The following SLC9B1 variants were observed in gnomAD, a reference collection of about 807,000 sequenced individuals.
SLC9B1 encodes solute carrier family 9 member B1.
SLC9B1 carries 32 observed loss-of-function variants against 51.7 expected under a neutral mutation model. The observed-to-expected ratio is 0.62, with a 90% CI of 0.47 to 0.83. SLC9B1 has a LOEUF of 0.83. Among genes scored for constraint, SLC9B1 ranks in the 40% least tolerant of loss-of-function variants. SLC9B1 has a pLI of 0.00. For missense variants in SLC9B1, 406 were observed against 613.2 expected, an observed-to-expected ratio of 0.66 and a Z score of 3.57; for synonymous variants, 145 against 212.7, an observed-to-expected ratio of 0.68 and a Z score of 2.77.
At chr4:102,949,553 A>C in intron 3 of SLC9B1, 126 bp from the exon 4 acceptor site, 1 of 585,344 alleles carries the variant, frequency 1.7e-6, no homozygotes, top group Non-Finnish European at 2.7e-6. Flanking sequence ...GGTATAGATC[A>C]ACATTGCTTA....
intron 9 of SLC9B1, among the ~76,000 whole-genome samples, 176 bp downstream of exon 9, chr4:102,910,263 A>C (rs1735275595): frequency 6.6e-6 from 1 of 152,170 alleles, no homozygotes; most frequent in South Asian, 2.1e-4. Flanking sequence ...ATTCCATATT[A>C]GTATATTTCC....
chr4:102,910,344 G>A (rs1408997685), intron 9 of SLC9B1, 95 bp downstream of exon 9: 19 of 1,149,584 alleles, frequency 1.7e-5, no homozygotes, highest in Non-Finnish European at 2.3e-5. Context: ...AAACCTTTTG[G>A]AACATTTTCC....
At chr4:103,006,259 A>G (rs1295811356) in intron 1 of SLC9B1, among the ~76,000 whole-genome samples, 1 of 152,066 alleles carries the variant, frequency 6.6e-6, no homozygotes, top group East Asian at 1.9e-4. Flanking sequence ...GACCACAGCT[A>G]GACTAACAAA....
chr4:102,892,066 T>C (rs1403820425), intron 11 of SLC9B1: 1 of 152,192 alleles, frequency 6.6e-6, no homozygotes, highest in East Asian at 1.9e-4. Context: ...TTATCTACTT[T>C]CATATATTTT....
chr4:102,979,324 G>C (rs1309857397), intron 3 of SLC9B1, among the ~76,000 whole-genome samples: 2 of 152,162 alleles, frequency 1.3e-5, no homozygotes, highest in Non-Finnish European at 2.9e-5. Flanking sequence ...CCATTCCTCT[G>C]TCTGTTTTGC....
intron 7 of SLC9B1, among the ~76,000 whole-genome samples, chr4:102,921,159 G>A (rs1735854646): frequency 6.6e-6 from 1 of 152,196 alleles, no homozygotes; most frequent in African/African-American, 2.4e-5. Flanking sequence ...GGCACCCAGA[G>A]AGAAAGGTCA....
rs1396479963 is a variant in SLC9B1 at position 102,887,457 on chromosome 4, T to C, written c.1333-2129A>G. The C allele has an allele frequency of 6.4e-6, 6 of 938,786 alleles. No homozygotes were observed. The African/African-American group carries it at 6.7e-5, about 10-fold the overall frequency. The allele number at this position is 938,786 out of a possible 1,614,324, so 58.2% of individuals were successfully genotyped here. A position where few individuals can be genotyped will look rare whatever the true frequency, so the allele number is the denominator to read the frequency against. On this transcript the variant is annotated intron_variant, in intron 11 of 11. Coordinates refer to the SLC9B1 transcript ENST00000394789. Reference sequence around the variant, plus strand: ...AATAATAACAATATTTTCTCATTCTTTGTGTATAGAAAATTTTAAAATGGT... The same window carrying C: ...AATAATAACAATATTTTCTCATTCTCTGTGTATAGAAAATTTTAAAATGGT...
intron 3 of SLC9B1, among the ~76,000 whole-genome samples, 154 bp from the exon 4 acceptor site, chr4:102,949,581 A>AT (rs1737441563): frequency 6.6e-6 from 1 of 152,228 alleles, no homozygotes; most frequent in Admixed American, 6.5e-5. Context: ...GGTGAAAGAG[A>AT]TATCTGCTTA....
At chr4:102,968,584 A>C (rs1279372114) in intron 3 of SLC9B1, among the ~76,000 whole-genome samples, 1 of 152,246 alleles carries the variant, frequency 6.6e-6, no homozygotes, top group Non-Finnish European at 1.5e-5. Context: ...GAATAGGAAC[A>C]GCTCCTGTCT....
intron 7 of SLC9B1, among the ~76,000 whole-genome samples, chr4:102,921,446 A>C (rs1187541722): frequency 2.6e-5 from 4 of 152,240 alleles, no homozygotes; most frequent in Non-Finnish European, 4.4e-5. Flanking sequence ...GGTACCAGCC[A>C]GGGCAAAAAC....
intron 1 of SLC9B1, among the ~76,000 whole-genome samples, chr4:103,016,155 G>GAAAAAAAAAAAAA (rs1286956791): frequency 2.8e-3 from 206 of 74,136 alleles, no homozygotes; most frequent in African/African-American, 4.5e-3. Flanking sequence ...AAAAAAAAAG[G>GAAAAAAAAAAAAA]AAAGTATATG....
intron 1 of SLC9B1, among the ~76,000 whole-genome samples, chr4:102,999,306 C>A (rs1740395732): frequency 6.6e-6 from 1 of 152,110 alleles, no homozygotes; most frequent in Non-Finnish European, 1.5e-5. Flanking sequence ...TTAATGTAGT[C>A]CAATTTATCT....
At chr4:102,966,977 G>A (rs1305607177) in intron 3 of SLC9B1, among the ~76,000 whole-genome samples, 1 of 152,066 alleles carries the variant, frequency 6.6e-6, no homozygotes, top group Admixed American at 6.6e-5. Flanking sequence ...CTTAAGTTTG[G>A]CCTTCCACAA....
chr4:103,001,864 A>G (rs3857200), intron 1 of SLC9B1, among the ~76,000 whole-genome samples: 87,788 of 152,054 alleles, frequency 0.58, 26,689 homozygotes, highest in African/African-American at 0.78. Context: ...GCCCAACATT[A>G]GGTAATTTAT....
intron 1 of SLC9B1, among the ~76,000 whole-genome samples, chr4:102,992,558 T>C (rs1331404886): frequency 1.3e-5 from 2 of 152,228 alleles, no homozygotes; most frequent in Non-Finnish European, 2.9e-5. Flanking sequence ...CTAGCTGCTT[T>C]ACATCTATTG....
intron 4 of SLC9B1, among the ~76,000 whole-genome samples, chr4:102,947,914 T>G (rs1295059203): frequency 6.8e-6 from 1 of 147,544 alleles, no homozygotes; most frequent in East Asian, 2.0e-4. Flanking sequence ...CTTTAGAAAG[T>G]TTTATAAAAA....
At chr4:102,969,278 A>T (rs551826815) in intron 3 of SLC9B1, among the ~76,000 whole-genome samples, 1 of 152,278 alleles carries the variant, frequency 6.6e-6, no homozygotes, top group East Asian at 1.9e-4. Context: ...TCTGATATGA[A>T]GCTTCCAGAG....
At chr4:102,892,116 G>T (rs1734275629) in intron 11 of SLC9B1, 1 of 152,120 alleles carries the variant, frequency 6.6e-6, no homozygotes, top group African/African-American at 2.4e-5. Flanking sequence ...TGGAGTGCGG[G>T]GGCATGATCG....
At chr4:102,933,275 C>G (rs201300098) in intron 6 of SLC9B1, among the ~76,000 whole-genome samples, 1 of 152,182 alleles carries the variant, frequency 6.6e-6, no homozygotes, top group Non-Finnish European at 1.5e-5. Flanking sequence ...ACAGCATCTG[C>G]CAATGACTGA....
Sources: allele counts gnomAD v4.1 joint callset (sites outside exome capture counted in the v4.1 genomes callset), GRCh38; gene constraint gnomAD v4.1.1; transcripts MANE v1.5; gene names NCBI Gene and HGNC (gene_info 2026-07-23, HGNC 2026-07-21).